PTPRU: variants seen among roughly 807,000 people sequenced by gnomAD.
The protein encoded by PTPRU is protein tyrosine phosphatase receptor type U.
PTPRU carries 69 observed loss-of-function variants against 166.3 expected under a neutral mutation model. That is an observed-to-expected ratio of 0.41 (90% confidence interval 0.34 to 0.51). The LOEUF (loss-of-function observed/expected upper bound fraction) is 0.51. Ranked by LOEUF, PTPRU falls within the 20% of genes least tolerant of loss-of-function variation. The probability of loss-of-function intolerance (pLI) is 0.09; values close to 1 mark genes in which losing one functional copy is unlikely to be tolerated. For synonymous variants in PTPRU, 793 were observed against 814.0 expected, an observed-to-expected ratio of 0.97 and a Z score of 0.44; for missense variants, 1,657 against 2,013.7, an observed-to-expected ratio of 0.82 and a Z score of 3.39.
In PTPRU at chr1:29,279,104, C is replaced by T. The variant is rs761797398; in HGVS notation, c.1546C>T (p.Leu516Phe). The change falls in exon 9 of 30, where the codon CTC becomes TTC. Residue 516 changes from leucine to phenylalanine, a missense_variant. By Grantham distance (22) the Leu-to-Phe change is conservative. Coordinates refer to ENST00000373779, the MANE Select transcript of PTPRU (RefSeq NM_133178.4). The surrounding 1 kb of genome is among the most constrained non-coding windows in gnomAD (Gnocchi z 5.2). ...GGAGGAGCCCCAGGAGCCCAATGGT[C>T]TCATCACCCAGTATGAGGTGGGTTT... The part of the protein sequence containing the change: ...KWEEPQEPNG[L>F]ITQYEISYQS... 1.5e-5 allele frequency: 23 copies of T among 1,578,670 alleles called. No individual in the cohort carries two copies. In the South Asian group the frequency reaches 2.3e-4, roughly 16 times the overall value.
chr1:29,325,521 C>T (rs532015803), intron 29 of PTPRU, 78 bp from the exon 30 acceptor site: 8 of 1,526,638 alleles, frequency 5.2e-6, no homozygotes, highest in Non-Finnish European at 7.2e-6. Context: ...CTTGCCCTCT[C>T]ACTCCCCGTT....
At chr1:29,255,221 C>T in intron 1 of PTPRU, 54 bp from the exon 2 acceptor site, 1 of 1,583,244 alleles carries the variant, frequency 6.3e-7, no homozygotes, top group Non-Finnish European at 8.6e-7. Flanking sequence ...TCCAGGAGCC[C>T]TCCTGGCCAG....
rs368448658 is a variant in PTPRU at position 29,320,702 on chromosome 1, G to C, written c.3705G>C (p.Ala1235=). Residue 1235 remains alanine (A), a synonymous_variant, in exon 26 of 30, where the codon GCG becomes GCC. Transcript: ENST00000373779. The surrounding 1 kb of genome is among the most constrained non-coding windows in gnomAD (Gnocchi z 5.2). The stretch of plus-strand genomic sequence containing the variant: ...CCCTGCAGAGCTACACACGGAGTGC[G>C]GCCTTCATCGTGACCCTGCACCCGC... The part of the protein sequence containing the change: ...AALTDSYTRS[A]AFIVTLHPLQ... 3.8e-6 allele frequency: 6 copies of C among 1,598,010 alleles called. No individual in the cohort carries two copies. In the Admixed American group the frequency reaches 1.0e-4, roughly 27 times the overall value.
At chr1:29,243,179 G>C (rs888614028) in intron 1 of PTPRU, among the ~76,000 whole-genome samples, 1 of 152,172 alleles carries the variant, frequency 6.6e-6, no homozygotes, top group Non-Finnish European at 1.5e-5. Flanking sequence ...TTAGAGGCAT[G>C]AGCCCCCGGG....
chr1:29,247,652 G>A (rs896678805), intron 1 of PTPRU, among the ~76,000 whole-genome samples: 2 of 152,124 alleles, frequency 1.3e-5, no homozygotes, highest in African/African-American at 4.8e-5. Context: ...TCCTCCATTC[G>A]GCCCTTTTCC....
Position 29,260,621 on chromosome 1 carries a change from C to G in PTPRU, c.862C>G (p.Pro288Ala). ...AELIVKEPPT[P>A]IAPPQLLRAG... ...CCATCTCCTCGCAGAGCCCCCAACT[C>G]CCATCGCGCCCCCACAGCTGCTGCG... is the stretch of plus-strand genomic sequence containing the variant. The change falls in exon 7 of 30, where the codon CCC becomes GCC. Residue 288 changes from proline (P) to alanine (A), a missense_variant. Coordinates refer to ENST00000373779, the MANE Select transcript of PTPRU (RefSeq NM_133178.4). The surrounding 1 kb of genome is among the most constrained non-coding windows in gnomAD (Gnocchi z 8.3). 1 of 1,502,336 alleles carries G rather than the reference C, an allele frequency of 6.7e-7. No homozygotes were observed. Among genetic ancestry groups the G allele is most frequent in the East Asian group, 2.5e-5 (1 of 40,240 alleles). The allele number at this position is 1,502,336 out of a possible 1,614,324, so 93.1% of individuals were successfully genotyped here.
At chr1:29,321,032 T>A (rs1201849353) in intron 26 of PTPRU, among the ~76,000 whole-genome samples, 3 of 152,150 alleles carry the variant, frequency 2.0e-5, no homozygotes, top group African/African-American at 7.2e-5. Context: ...CTTTTTCTTT[T>A]CTTTTTTTTG....
At chr1:29,247,448 A>G (rs994238667) in intron 1 of PTPRU, among the ~76,000 whole-genome samples, 16 of 152,074 alleles carry the variant, frequency 1.1e-4, no homozygotes, top group African/African-American at 3.4e-4. Flanking sequence ...GCTGTACTGC[A>G]CCCTCCACAC....
At position 29,317,827 on chromosome 1, in the gene PTPRU, G is replaced by A. The variant is rs374166275; in HGVS notation, c.3593G>A (p.Arg1198His). The change falls in exon 25 of 30, where the codon CGC becomes CAC. Residue 1198 changes from arginine to histidine, a missense_variant. Physicochemically the swap from Arg to His is conservative, Grantham distance 29. Coordinates refer to ENST00000373779, the MANE Select transcript of PTPRU (RefSeq NM_133178.4). The surrounding 1 kb of genome is among the most constrained non-coding windows in gnomAD (Gnocchi z 5.6). ...ALLPRNRDKN[R>H]SMDVLPPDRC... ...TTGCCCCGGAACCGCGACAAGAACC[G>A]CAGCATGGACGTCCTGCCGCCCGAC... 1.7e-5 allele frequency: 27 copies of A among 1,613,670 alleles called. No individual in the cohort carries two copies. The South Asian group carries it at 2.0e-4, about 12-fold the overall frequency.
intron 14 of PTPRU, among the ~76,000 whole-genome samples, chr1:29,288,443 C>T (rs572661587): frequency 8.7e-4 from 133 of 152,182 alleles, no homozygotes; most frequent in African/African-American, 3.0e-3. Context: ...GAGAGTGGTC[C>T]GGGAAGGCCC....
intron 18 of PTPRU, among the ~76,000 whole-genome samples, chr1:29,310,093 G>A (rs987964148): frequency 3.3e-5 from 5 of 152,144 alleles, no homozygotes; most frequent in Admixed American, 1.3e-4. Flanking sequence ...CCTCTCTCTC[G>A]TGGGAGGTGG....
At chr1:29,266,874 G>T (rs952458829) in intron 7 of PTPRU, among the ~76,000 whole-genome samples, 3 of 152,078 alleles carry the variant, frequency 2.0e-5, no homozygotes, top group African/African-American at 7.2e-5. Flanking sequence ...TCACAGGTTT[G>T]AATTGGGCAG....
In PTPRU at chr1:29,323,773, C is replaced by T. The variant is rs1557493387; in HGVS notation, c.4097C>T (p.Thr1366Ile). The change falls in exon 28 of 30, where the codon ACC becomes ATC. Residue 1366 changes from threonine (T) to isoleucine (I), a missense_variant. Physicochemically the swap from Thr to Ile is moderately conservative, Grantham distance 89. Around this residue, in one of 3 missense-constraint regions of PTPRU, gnomAD observed 1,190 missense variants for 1,477.4 expected, o/e 0.81. Transcript: ENST00000373779. ...CAGGCCGAGAGTGGGGATGGGCGCACCATCGTGCACTGCCTGTGAGTACCT... is the reference window on the plus strand; with the variant it reads ...CAGGCCGAGAGTGGGGATGGGCGCATCATCGTGCACTGCCTGTGAGTACCT... ...KWQAESGDGR[T>I]IVHCLNGGGR... 6.2e-7 allele frequency: 1 copy of T among 1,614,074 alleles called. No individual in the cohort carries two copies. The highest frequency in any genetic ancestry group is 8.5e-7 in the Non-Finnish European group (1 of 1,179,956).
chr1:29,298,595 C>G (rs780091557), intron 15 of PTPRU, among the ~76,000 whole-genome samples: 23 of 152,218 alleles, frequency 1.5e-4, no homozygotes, highest in Non-Finnish European at 2.8e-4. Flanking sequence ...CGAAAACCCT[C>G]AGATCCTCCT....
intron 7 of PTPRU, 146 bp downstream of exon 7, chr1:29,261,049 G>A (rs1685042648): frequency 1.0e-6 from 1 of 965,580 alleles, no homozygotes; most frequent in African/African-American, 1.7e-5. Context: ...TAAAGATAAT[G>A]ATAGCTAATA....
chr1:29,302,288 A>G (rs1687173689), intron 15 of PTPRU, among the ~76,000 whole-genome samples: 1 of 152,244 alleles, frequency 6.6e-6, no homozygotes, highest in African/African-American at 2.4e-5. Flanking sequence ...TACTATGTGC[A>G]TGTCATTACA....
intron 18 of PTPRU, among the ~76,000 whole-genome samples, chr1:29,310,511 G>A (rs756667204): frequency 2.0e-5 from 3 of 152,134 alleles, no homozygotes; most frequent in African/African-American, 2.4e-5. Context: ...CCCTGGGGTT[G>A]CACAGCCCAG....
At chr1:29,246,891 C>T (rs1486932404) in intron 1 of PTPRU, among the ~76,000 whole-genome samples, 3 of 152,124 alleles carry the variant, frequency 2.0e-5, no homozygotes, top group African/African-American at 4.8e-5. Flanking sequence ...GCTGGGATTA[C>T]GGGCATGAGC....
chr1:29,287,976 GC>G (rs1686437792), intron 14 of PTPRU, among the ~76,000 whole-genome samples: 1 of 151,986 alleles, frequency 6.6e-6, no homozygotes, highest in Non-Finnish European at 1.5e-5. Context: ...ACCATACTCG[GC>G]TAATTTTTTG....
Sources: gnomAD v4.1 joint callset for allele counts (sites outside exome capture counted in the v4.1 genomes callset) on GRCh38, gnomAD v4.1.1 for gene constraint, gnomAD v4.1.1 regional missense constraint, Gnocchi (gnomAD v3.1) non-coding constraint, MANE v1.5 for transcripts, NCBI Gene and HGNC (gene_info 2026-07-23, HGNC 2026-07-21) for gene names.